The following DLGAP1 variants were observed in gnomAD, a reference collection of about 807,000 sequenced individuals.
DLGAP1 encodes disks large-associated protein 1.
In DLGAP1, 11 loss-of-function variants were observed where a neutral mutation model predicts 90.8. That is an observed-to-expected ratio of 0.12 (90% CI 0.08 to 0.20). The LOEUF (loss-of-function observed/expected upper bound fraction) is 0.20. Ranked by LOEUF, DLGAP1 falls within the 10% of genes least tolerant of loss-of-function variation. DLGAP1 has a pLI of 1.00. For synonymous variants in DLGAP1, 558 were observed against 540.7 expected (o/e 1.03, Z -0.44); for missense variants, 1,050 against 1,333.8 (o/e 0.79, Z 3.31).
chr18:4,055,605 T>G (rs2075202713), intron 2 of DLGAP1, among the ~76,000 whole-genome samples: 1 of 152,176 alleles, frequency 6.6e-6, no homozygotes, highest in Admixed American at 6.5e-5. Flanking sequence ...TACATCCATC[T>G]TGAGACTTCT....
intron 2 of DLGAP1, among the ~76,000 whole-genome samples, chr18:4,023,867 T>TA (rs58489472): frequency 6.6e-6 from 1 of 151,912 alleles, no homozygotes; most frequent in South Asian, 2.1e-4. Context: ...ATTAATGTAA[T>TA]AAAAAAAATT....
chr18:4,307,709 C>CTTTTTTTTT (rs34193366), intron 1 of DLGAP1, among the ~76,000 whole-genome samples: 1 of 107,212 alleles, frequency 9.3e-6, no homozygotes, highest in African/African-American at 3.5e-5. Flanking sequence ...TGAGGGTTTA[C>CTTTTTTTTT]TTTTTTTTTT....
At chr18:4,336,959 A>C (rs2081081088) in intron 1 of DLGAP1, among the ~76,000 whole-genome samples, 1 of 150,382 alleles carries the variant, frequency 6.6e-6, no homozygotes, top group Non-Finnish European at 1.5e-5. Context: ...AAAAAAAAAA[A>C]AAAAATTAGC....
At chr18:3,900,962 A>G (rs1475829694) in intron 3 of DLGAP1, among the ~76,000 whole-genome samples, 1 of 151,980 alleles carries the variant, frequency 6.6e-6, no homozygotes, top group African/African-American at 2.4e-5. Flanking sequence ...TAACTTCCAA[A>G]TCTGATCATG....
At chr18:4,421,856 C>T (rs919354299) in intron 1 of DLGAP1, among the ~76,000 whole-genome samples, 2 of 151,876 alleles carry the variant, frequency 1.3e-5, no homozygotes, top group African/African-American at 4.8e-5. Context: ...TTATAGGCAC[C>T]CGCCACCATC....
intron 2 of DLGAP1, among the ~76,000 whole-genome samples, chr18:4,062,471 C>A (rs1357983794): frequency 6.6e-6 from 1 of 152,090 alleles, no homozygotes; most frequent in Non-Finnish European, 1.5e-5. Context: ...TATCTTGGGA[C>A]CTTGAGGAGA....
intron 7 of DLGAP1, among the ~76,000 whole-genome samples, chr18:3,605,592 C>T (rs1028448530): frequency 2.6e-5 from 4 of 152,188 alleles, no homozygotes; most frequent in African/African-American, 9.7e-5. Context: ...TCAAACACTG[C>T]TTCGTTAATT....
intron 2 of DLGAP1, among the ~76,000 whole-genome samples, chr18:4,147,539 A>T (rs930331468): frequency 1.3e-5 from 2 of 152,142 alleles, no homozygotes; most frequent in Non-Finnish European, 2.9e-5. Context: ...TGTTGAAACC[A>T]GTTCTTGGTT....
chr18:3,553,462 A>C (rs920468811), intron 9 of DLGAP1, among the ~76,000 whole-genome samples: 8 of 152,164 alleles, frequency 5.3e-5, no homozygotes, highest in Admixed American at 5.2e-4. Flanking sequence ...TGCATTGTTC[A>C]ATAATATGTA....
At chr18:3,972,628 G>A (rs962594116) in intron 3 of DLGAP1, among the ~76,000 whole-genome samples, 13 of 152,112 alleles carry the variant, frequency 8.5e-5, no homozygotes, top group Non-Finnish European at 1.5e-4. Flanking sequence ...CCTGGCATCC[G>A]ATAGTCCTAA....
At position 3,879,919 on chromosome 18, in the gene DLGAP1, C is replaced by G. The variant is rs751790183; in HGVS notation, c.150G>C (p.Arg50=). 5 of 1,612,794 alleles carry G rather than the reference C, an allele frequency of 3.1e-6. No individual in the cohort carries two copies. In the East Asian group the frequency reaches 1.1e-4, roughly 36 times the overall value. Residue 50 remains arginine (R), a synonymous_variant, in exon 4 of 13, where the codon CGG becomes CGC. Coordinates refer to ENST00000315677, the MANE Select transcript of DLGAP1 (RefSeq NM_004746.4). This position sits in a 1 kb window ranked among gnomAD's most constrained non-coding sequence, Gnocchi z 6.6. ...HPADHPYYTQ[R]NSFQAECVGP... ...CCACGCACTCAGCCTGGAAGGAGTT[C>G]CGCTGGGTGTAGTATGGGTGGTCTG...
At chr18:3,754,006 T>A (rs1407791233) in intron 5 of DLGAP1, among the ~76,000 whole-genome samples, 1 of 152,134 alleles carries the variant, frequency 6.6e-6, no homozygotes. Context: ...TCTATTTTAT[T>A]TATTTATTTT....
chr18:4,149,147 A>G (rs1176743672), intron 2 of DLGAP1, among the ~76,000 whole-genome samples: 1 of 152,210 alleles, frequency 6.6e-6, no homozygotes, highest in Non-Finnish European at 1.5e-5. Context: ...ATACAGCTAT[A>G]ATTAAATGTT....
intron 5 of DLGAP1, among the ~76,000 whole-genome samples, chr18:3,793,449 C>A (rs963431302): frequency 6.6e-6 from 1 of 152,120 alleles, no homozygotes; most frequent in Non-Finnish European, 1.5e-5. Context: ...CTGTCAGAGT[C>A]CCCGTGTCAC....
chr18:3,505,409 C>T (rs973018479), intron 11 of DLGAP1, among the ~76,000 whole-genome samples: 16 of 151,932 alleles, frequency 1.1e-4, no homozygotes, highest in Admixed American at 8.5e-4. Context: ...AAGGCCGAGG[C>T]GGGAGGATCA....
chr18:3,940,593 C>T (rs965779124), intron 3 of DLGAP1, among the ~76,000 whole-genome samples: 1 of 151,996 alleles, frequency 6.6e-6, no homozygotes, highest in Non-Finnish European at 1.5e-5. Context: ...TGTTAAAAGC[C>T]ATAATTTAAG....
chr18:3,937,303 T>G (rs2072664177), intron 3 of DLGAP1, among the ~76,000 whole-genome samples: 1 of 152,204 alleles, frequency 6.6e-6, no homozygotes, highest in Admixed American at 6.5e-5. Flanking sequence ...AGTTCCACTG[T>G]GATTGTGGGG....
chr18:3,758,501 T>G (rs548784651), intron 5 of DLGAP1, among the ~76,000 whole-genome samples: 12 of 152,334 alleles, frequency 7.9e-5, no homozygotes, highest in Non-Finnish European at 1.3e-4. Flanking sequence ...AGGGTCTAAC[T>G]CAAAGCCACT....
chr18:4,049,226 CAAAAAAAAA>C (rs71368721), intron 2 of DLGAP1, among the ~76,000 whole-genome samples: 1 of 134,194 alleles, frequency 7.5e-6, no homozygotes, highest in East Asian at 2.2e-4. Flanking sequence ...GACTCTGTCT[CAAAAAAAAA>C]AAAAAAAAAA....
Sources: gnomAD v4.1 joint callset for allele counts (sites outside exome capture counted in the v4.1 genomes callset) on GRCh38, gnomAD v4.1.1 for gene constraint, Gnocchi (gnomAD v3.1) non-coding constraint, MANE v1.5 for transcripts, NCBI Gene and HGNC (gene_info 2026-07-23, HGNC 2026-07-21) for gene names.